The following LAMB3 variants were observed in gnomAD, a reference collection of about 807,000 sequenced individuals.
LAMB3 encodes the protein laminin subunit beta 3.
Under a neutral mutation model 140.3 loss-of-function variants are expected in LAMB3, and 104 were observed. That is an observed-to-expected ratio of 0.74 (90% confidence interval 0.63 to 0.87). The LOEUF (loss-of-function observed/expected upper bound fraction) is 0.87. Among genes scored for constraint, LAMB3 ranks in the 40% least tolerant of loss-of-function variants. The pLI is 0.00. For missense variants in LAMB3, 1,531 were observed against 1,575.2 expected, an observed-to-expected ratio of 0.97 and a Z score of 0.47; for synonymous variants, 592 against 602.9, an observed-to-expected ratio of 0.98 and a Z score of 0.26.
intron 18 of LAMB3, among the ~76,000 whole-genome samples, chr1:209,621,772 T>G (rs753143233): frequency 7.2e-5 from 11 of 152,076 alleles, no homozygotes; most frequent in Non-Finnish European, 1.5e-4. Context: ...CCTTCCTCAC[T>G]CCCCAGAGCA....
chr1:209,638,911 G>A (rs564473614), intron 3 of LAMB3, among the ~76,000 whole-genome samples: 1 of 151,194 alleles, frequency 6.6e-6, no homozygotes, highest in South Asian at 2.1e-4. Context: ...GAGGTACGAG[G>A]TGGGAAAAAA....
chr1:209,634,698 C>A, intron 5 of LAMB3, 60 bp from the exon 6 acceptor site: 1 of 1,399,076 alleles, frequency 7.1e-7, no homozygotes, highest in Admixed American at 1.9e-5. Flanking sequence ...CGTGGAGACA[C>A]AAGCAGAGAG....
chr1:209,619,744 C>T (rs1250220650), intron 18 of LAMB3, among the ~76,000 whole-genome samples: 1 of 152,200 alleles, frequency 6.6e-6, no homozygotes, highest in African/African-American at 2.4e-5. Context: ...AATCTGAACT[C>T]CTCTGGGGCC....
At chr1:209,628,903 C>T (rs895114913) in intron 10 of LAMB3, among the ~76,000 whole-genome samples, 2 of 152,106 alleles carry the variant, frequency 1.3e-5, no homozygotes, top group Admixed American at 6.5e-5. Context: ...TCTCATTGTA[C>T]AGAGGAGGAA....
At chr1:209,650,744 A>G (rs1229604730) in intron 2 of LAMB3, among the ~76,000 whole-genome samples, 173 bp downstream of exon 2, 1 of 152,224 alleles carries the variant, frequency 6.6e-6, no homozygotes, top group East Asian at 1.9e-4. Context: ...TTCTTCCCCA[A>G]AGGCCCAAAG....
chr1:209,651,646 G>A (rs1038853524), intron 1 of LAMB3, among the ~76,000 whole-genome samples: 8 of 152,172 alleles, frequency 5.3e-5, no homozygotes, highest in Non-Finnish European at 7.4e-5. Flanking sequence ...GCTGGGGCTC[G>A]ACAAGAGGGG....
At chr1:209,645,478 G>A (rs934837931) in intron 3 of LAMB3, among the ~76,000 whole-genome samples, 2 of 152,130 alleles carry the variant, frequency 1.3e-5, no homozygotes. Context: ...CACTTTGGGA[G>A]GCCAAGGCGG....
In LAMB3 at chr1:209,636,565, G is replaced by A. The variant is rs916984309; in HGVS notation, c.372+1343C>T. 3.9e-5 allele frequency among the ~76,000 whole-genome samples: 6 copies of A among 152,160 alleles called. No homozygotes were observed. In the South Asian group the frequency reaches 8.3e-4, roughly 21 times the overall value. On this transcript the variant is annotated intron_variant, in intron 5 of 22. Coordinates refer to ENST00000356082, the MANE Select transcript of LAMB3 (RefSeq NM_000228.3). The stretch of plus-strand genomic sequence containing the variant: ...CTGTGTATACCTGGAAACTCATCTC[G>A]CAGCAGTCTTCAGCCCTCCACATCC...
At position 209,623,812 on chromosome 1, in the gene LAMB3, G is replaced by C; in HGVS notation, c.2137+28C>G. On this transcript the variant is annotated intron_variant, in intron 15 of 22. Transcript: ENST00000356082. This position sits in a 1 kb window ranked among gnomAD's most constrained non-coding sequence, Gnocchi z 4.2. ...GCCCACCACGGCAGTGCCCATGCCC[G>C]GGGTTATCCGGGTGCCCCTCTCCTC... is the stretch of plus-strand genomic sequence containing the variant. The C allele has an allele frequency of 6.2e-7, 1 of 1,614,120 alleles. No individual in the cohort carries two copies. The highest frequency in any genetic ancestry group is 8.5e-7 in the Non-Finnish European group (1 of 1,179,986).
Position 209,647,166 on chromosome 1 carries a change from G to A in LAMB3, c.183+2798C>T, listed in dbSNP as rs531193111. ...GGCCAAGACCTATGTCCATTGCAAG[G>A]GTTGCAACATGGACCCGGAATTTAC... is the stretch of plus-strand genomic sequence containing the variant. On this transcript the variant is annotated intron_variant, in intron 3 of 22. Coordinates refer to ENST00000356082, the MANE Select transcript of LAMB3 (RefSeq NM_000228.3). Among the ~76,000 whole-genome samples, 5 of 152,388 alleles carry A rather than the reference G, an allele frequency of 3.3e-5. No individual in the cohort carries two copies. In the South Asian group the frequency reaches 1.0e-3, roughly 32 times the overall value.
intron 6 of LAMB3, among the ~76,000 whole-genome samples, chr1:209,633,653 T>C (rs1324327736): frequency 6.6e-6 from 1 of 152,118 alleles, no homozygotes; most frequent in Non-Finnish European, 1.5e-5. Flanking sequence ...TTATCTGGTG[T>C]GTGAAGAATG....
chr1:209,625,940 G>A lies in LAMB3; in HGVS notation c.1684C>T (p.Pro562Ser). The change falls in exon 14 of 23, where the codon CCC becomes TCC. Residue 562 changes from proline to serine, a missense_variant. Coordinates refer to ENST00000356082, the MANE Select transcript of LAMB3 (RefSeq NM_000228.3). ...CCTCGCTGGCACTGGTCACAGCGGG[G>A]CCCGGTCAAGCCAGGGCGGCAGAGG... is the stretch of plus-strand genomic sequence containing the variant. ...RCLCRPGLTG[P>S]RCDQCQRGYC... The A allele has an allele frequency of 6.2e-7, 1 of 1,613,758 alleles. No homozygotes were observed. Among genetic ancestry groups the A allele is most frequent in the Non-Finnish European group, 8.5e-7 (1 of 1,179,864 alleles).
At chr1:209,617,659 C>A (rs1666022955) in intron 20 of LAMB3, 73 bp from the exon 21 acceptor site, 4 of 1,563,036 alleles carry the variant, frequency 2.6e-6, no homozygotes, top group Non-Finnish European at 3.5e-6. Flanking sequence ...CATTTTTTCT[C>A]CAACTCATCA....
chr1:209,627,889 C>A, intron 11 of LAMB3, 146 bp downstream of exon 11: 1 of 1,106,064 alleles, frequency 9.0e-7, no homozygotes. Context: ...GAAGTCCGGA[C>A]TCCTGGCAAA....
chr1:209,629,487 C>T (rs941831720), intron 10 of LAMB3, among the ~76,000 whole-genome samples: 6 of 152,126 alleles, frequency 3.9e-5, no homozygotes, highest in African/African-American at 1.4e-4. Context: ...CTTATGTTTA[C>T]TTTTTTCTTC....
At chr1:209,636,001 G>A (rs577562682) in intron 5 of LAMB3, among the ~76,000 whole-genome samples, 21 of 152,200 alleles carry the variant, frequency 1.4e-4, no homozygotes, top group Admixed American at 1.3e-3. Context: ...CTCATCTTTT[G>A]TTCTCAGCTG....
At position 209,622,668 on chromosome 1, in the gene LAMB3, C is replaced by T. The variant is rs774367298; in HGVS notation, c.2569G>A (p.Glu857Lys). 12 of 1,614,098 alleles carry T rather than the reference C, an allele frequency of 7.4e-6. No homozygotes were observed. The highest frequency in any genetic ancestry group is 6.7e-5 in the African/African-American group (5 of 75,028). The part of the protein sequence containing the change: ...QRTRQMIRAA[E>K]ESASQIQSSA... ...GATTGAATCTGTGAGGCAGATTCCT[C>T]GGCTGCCCTAATCTGTTGACATACA... Residue 857 changes from glutamate to lysine, a missense_variant, in exon 18 of 23, where the codon GAG becomes AAG. By Grantham distance (56) the Glu-to-Lys change is moderately conservative. Coordinates refer to ENST00000356082, the MANE Select transcript of LAMB3 (RefSeq NM_000228.3).
Position 209,622,606 on chromosome 1 carries a change from G to A in LAMB3, c.2631C>T (p.Ser877=), listed in dbSNP as rs1257961437. ...AQRLETQVSA[S]RSQMEEDVRR... is the part of the protein sequence containing the mutation. ...TGACATCTTCCTCCATCTGGGAGCG[G>A]CTGGCGCTCACCTGGGTCTCCAAGC... The change falls in exon 18 of 23, where the codon AGC becomes AGT. Residue 877 remains serine, a synonymous_variant. Coordinates refer to ENST00000356082, the MANE Select transcript of LAMB3 (RefSeq NM_000228.3). The A allele has an allele frequency of 6.2e-7, 1 of 1,614,130 alleles. No individual in the cohort carries two copies. The highest frequency in any genetic ancestry group is 1.1e-5 in the South Asian group (1 of 91,084).
chr1:209,628,997 C>T (rs910989965), intron 10 of LAMB3, among the ~76,000 whole-genome samples: 2 of 152,212 alleles, frequency 1.3e-5, no homozygotes, highest in Non-Finnish European at 2.9e-5. Flanking sequence ...TCAGTTCTGT[C>T]TCACTCTTCC....
Sources: gnomAD v4.1 joint callset for allele counts (sites outside exome capture counted in the v4.1 genomes callset) on GRCh38, gnomAD v4.1.1 for gene constraint, Gnocchi (gnomAD v3.1) non-coding constraint, MANE v1.5 for transcripts, NCBI Gene and HGNC (gene_info 2026-07-23, HGNC 2026-07-21) for gene names.